Variants in TENM2 observed in about 807,000 individuals in gnomAD.
TENM2 encodes the protein teneurin transmembrane protein 2.
Under a neutral mutation model 245.2 loss-of-function variants are expected in TENM2, and 52 were observed. The ratio of observed to expected loss-of-function variants is 0.21; its 90% confidence interval spans 0.17 to 0.27. TENM2 has a LOEUF of 0.27. Among genes scored for constraint, TENM2 ranks in the 10% least tolerant of loss-of-function variants. The pLI is 1.00. For missense variants in TENM2, 3,046 were observed against 3,666.8 expected (o/e 0.83, Z 4.37); for synonymous variants, 1,363 against 1,438.9 (o/e 0.95, Z 1.19).
At chr5:167,757,328 G>A (rs953089236) in intron 2 of TENM2, among the ~76,000 whole-genome samples, 1 of 151,378 alleles carries the variant, frequency 6.6e-6, no homozygotes, top group African/African-American at 2.4e-5. Flanking sequence ...ACTTATGAGT[G>A]AGAACATGCA....
chr5:168,083,971 G>T (rs566640711), intron 7 of TENM2, among the ~76,000 whole-genome samples: 1 of 151,810 alleles, frequency 6.6e-6, no homozygotes, highest in East Asian at 1.9e-4. Flanking sequence ...CTTTATTTCC[G>T]TGCATACCCA....
intron 9 of TENM2, among the ~76,000 whole-genome samples, chr5:168,111,375 G>T (rs1421671478): frequency 1.3e-5 from 2 of 152,068 alleles, no homozygotes; most frequent in African/African-American, 4.8e-5. Context: ...GGTCCTGCCG[G>T]CTCTTGCCCC....
At chr5:167,575,303 T>A (rs916544559) in intron 2 of TENM2, among the ~76,000 whole-genome samples, 3 of 152,096 alleles carry the variant, frequency 2.0e-5, no homozygotes, top group African/African-American at 7.2e-5. Flanking sequence ...AAAAGAATCC[T>A]CCTCTGGAAT....
intron 2 of TENM2, among the ~76,000 whole-genome samples, chr5:167,763,124 T>C (rs1762787915): frequency 6.6e-6 from 1 of 152,210 alleles, no homozygotes; most frequent in Admixed American, 6.5e-5. Context: ...AAGAGTGTAT[T>C]CCAGCTCTCT....
At chr5:167,404,662 A>C (rs1028170724) in intron 2 of TENM2, among the ~76,000 whole-genome samples, 1 of 152,142 alleles carries the variant, frequency 6.6e-6, no homozygotes, top group African/African-American at 2.4e-5. Flanking sequence ...ATTGAAATCT[A>C]CAGTGGAGAT....
chr5:167,651,703 G>T (rs561187666), intron 2 of TENM2, among the ~76,000 whole-genome samples: 3 of 152,250 alleles, frequency 2.0e-5, no homozygotes, highest in Admixed American at 2.0e-4. Flanking sequence ...AGGAGGCCTG[G>T]TCTGTGTGTC....
chr5:167,276,426 C>T, the TENM2 span, among the ~76,000 whole-genome samples: 2 of 149,398 alleles, frequency 1.3e-5, no homozygotes, highest in Non-Finnish European at 3.0e-5. Context: ...ATTATAAATT[C>T]AATTTCATCA....
intron 1 of TENM2, among the ~76,000 whole-genome samples, chr5:167,350,437 G>GTT (rs1212161700): frequency 6.7e-6 from 1 of 149,826 alleles, no homozygotes; most frequent in African/African-American, 2.5e-5. Context: ...GTGTGTGTGT[G>GTT]TGTGTGTGTA....
At chr5:167,197,921 A>G in the TENM2 span, among the ~76,000 whole-genome samples, 1 of 151,854 alleles carries the variant, frequency 6.6e-6, no homozygotes, top group Non-Finnish European at 1.5e-5. Flanking sequence ...AGAGAGAGAG[A>G]GGGAGAAAGG....
intron 1 of TENM2, among the ~76,000 whole-genome samples, chr5:167,353,514 T>TTTTTTG (rs1759090011): frequency 8.0e-6 from 1 of 125,730 alleles, no homozygotes; most frequent in African/African-American, 3.0e-5. Flanking sequence ...TTTTTTTTTT[T>TTTTTTG]TTTTTTTTTT....
intron 2 of TENM2, among the ~76,000 whole-genome samples, chr5:167,510,930 G>A (rs1009478183): frequency 2.1e-5 from 3 of 142,550 alleles, no homozygotes; most frequent in Non-Finnish European, 4.8e-5. Context: ...TAAGTACACT[G>A]TGAGATAATA....
chr5:168,245,084 A>G (rs1766431605), intron 26 of TENM2, among the ~76,000 whole-genome samples: 1 of 151,798 alleles, frequency 6.6e-6, no homozygotes, highest in African/African-American at 2.4e-5. Context: ...CTGCTCTTGT[A>G]AGCTAGCCTG....
At position 167,295,629 on chromosome 5, in the gene TENM2, T is replaced by C. The variant is rs983726725; in HGVS notation, c.226+10566T>C. ...CAAAGGAGACATTACATTTTCAATG[T>C]CATGTTTTAGGTTTATAATTTAATT... On this transcript the variant is annotated intron_variant, in intron 1 of 28. Coordinates refer to ENST00000518659, the Ensembl canonical transcript of TENM2. 1.7e-4 allele frequency among the ~76,000 whole-genome samples: 26 copies of C among 152,310 alleles called. 1 individual carries two copies. Among genetic ancestry groups the C allele is most frequent in the African/African-American group, 6.3e-4 (26 of 41,568 alleles).
chr5:167,576,519 TGA>T (rs1189728991), intron 2 of TENM2, among the ~76,000 whole-genome samples: 1 of 152,222 alleles, frequency 6.6e-6, no homozygotes, highest in Non-Finnish European at 1.5e-5. Flanking sequence ...TTTAAAATTA[TGA>T]GATTGTTCTC....
chr5:167,004,681 G>A, the TENM2 span, among the ~76,000 whole-genome samples: 1 of 152,192 alleles, frequency 6.6e-6, no homozygotes, highest in Non-Finnish European at 1.5e-5. Context: ...AGGGTTGTTA[G>A]TGGTGAAATA....
chr5:167,041,857 C>G, the TENM2 span, among the ~76,000 whole-genome samples: 54,348 of 151,982 alleles, frequency 0.36, 11,167 homozygotes, highest in Non-Finnish European at 0.48. Flanking sequence ...GTCTCTTTGT[C>G]ACCCAGAAGG....
intron 1 of TENM2, among the ~76,000 whole-genome samples, chr5:167,355,360 A>G (rs1581825557): frequency 1.2e-5 from 1 of 84,184 alleles, no homozygotes; most frequent in African/African-American, 4.4e-5. Flanking sequence ...GACCATTCTG[A>G]TTTTCTTATC....
intron 2 of TENM2, among the ~76,000 whole-genome samples, chr5:167,461,667 C>A (rs992087934): frequency 6.6e-6 from 1 of 152,158 alleles, no homozygotes; most frequent in Admixed American, 6.5e-5. Context: ...TTGCATGTAT[C>A]TTAATTCTGT....
At chr5:167,423,095 T>C (rs1480980589) in intron 2 of TENM2, among the ~76,000 whole-genome samples, 2 of 152,152 alleles carry the variant, frequency 1.3e-5, no homozygotes, top group African/African-American at 4.8e-5. Flanking sequence ...ACCTTCATTT[T>C]TTTTTTAGCA....
Sources: gnomAD v4.1 joint callset for allele counts (sites outside exome capture counted in the v4.1 genomes callset) on GRCh38, gnomAD v4.1.1 for gene constraint, MANE v1.5 for transcripts, NCBI Gene and HGNC (gene_info 2026-07-23, HGNC 2026-07-21) for gene names.